PDPR: variants seen among roughly 807,000 people sequenced by gnomAD.
The protein encoded by PDPR is pyruvate dehydrogenase phosphatase regulatory subunit.
PDPR carries 50 observed loss-of-function variants against 102.2 expected under a neutral mutation model. That is an observed-to-expected ratio of 0.49 (90% CI 0.39 to 0.62). PDPR has a LOEUF of 0.62. PDPR is among the 20% of genes least tolerant of loss of function. The pLI is 0.00. For missense variants in PDPR, 625 were observed against 1,098.2 expected, an observed-to-expected ratio of 0.57 and a Z score of 6.09; for synonymous variants, 259 against 406.0, an observed-to-expected ratio of 0.64 and a Z score of 4.35.
At chr16:70,135,400 C>A (rs1321353821) in intron 9 of PDPR, among the ~76,000 whole-genome samples, 1 of 152,260 alleles carries the variant, frequency 6.6e-6, no homozygotes, top group African/African-American at 2.4e-5. Flanking sequence ...TCACGACTGG[C>A]TAATTTTTGT....
At chr16:70,140,483 T>C (rs1025476634) in intron 11 of PDPR, among the ~76,000 whole-genome samples, 14 of 152,228 alleles carry the variant, frequency 9.2e-5, no homozygotes, top group Non-Finnish European at 1.9e-4. Flanking sequence ...ATGACACTTT[T>C]GGTAGCCAAT....
intron 6 of PDPR, among the ~76,000 whole-genome samples, 153 bp downstream of exon 6, chr16:70,129,275 T>C (rs1263113504): frequency 6.6e-6 from 1 of 152,290 alleles, no homozygotes; most frequent in African/African-American, 2.4e-5. Context: ...ATAATTTTAT[T>C]TATCTGTTAA....
At chr16:70,134,128 C>A (rs1166266560) in intron 9 of PDPR, among the ~76,000 whole-genome samples, 2 of 152,220 alleles carry the variant, frequency 1.3e-5, no homozygotes, top group Non-Finnish European at 2.9e-5. Flanking sequence ...TTGAAGAGTT[C>A]TTTAGAAAAC....
rs1466201009 is a variant in PDPR at position 70,139,154 on chromosome 16, G to A, written c.1315+131G>A. On this transcript the variant is annotated intron_variant, in intron 11 of 18. Transcript: ENST00000288050. ...TTTGAGTTGGGCATTTGATTTGACT[G>A]TTTCAGGCCTGAGTTAAGGGGCTTT... The A allele has an allele frequency of 2.7e-6, 4 of 1,464,098 alleles. No homozygotes were observed. In the African/African-American group the frequency reaches 4.3e-5, roughly 16 times the overall value. 90.7% of individuals were successfully genotyped at this position (1,464,098 alleles called of 1,614,324 possible).
At chr16:70,154,231 G>T (rs7191380) in intron 18 of PDPR, among the ~76,000 whole-genome samples, 8,049 of 150,700 alleles carry the variant, frequency 0.053, 211 homozygotes, top group African/African-American at 0.19. Flanking sequence ...GGGAGGCTGA[G>T]GCAGGAGAAT....
chr16:70,143,423 TC>T, intron 13 of PDPR, 86 bp from the exon 14 acceptor site: 1 of 1,500,940 alleles, frequency 6.7e-7, no homozygotes, highest in Non-Finnish European at 9.1e-7. Flanking sequence ...TTGAATTTTC[TC>T]AATGAGGTTC....
At chr16:70,113,717 C>T (rs1962355624), upstream of PDPR, 1 of 140,160 alleles carries the variant, frequency 7.1e-6, no homozygotes, top group South Asian at 2.2e-4. Context: ...GATTCCTCTT[C>T]CTCTGAGCTG....
At chr16:70,148,597 C>G in intron 17 of PDPR, 44 bp downstream of exon 17, 2 of 1,345,118 alleles carry the variant, frequency 1.5e-6, no homozygotes, top group Middle Eastern at 3.6e-4. Context: ...CTTCCCTTCC[C>G]TTCCCTTCCC....
intron 15 of PDPR, among the ~76,000 whole-genome samples, chr16:70,145,519 C>T (rs1454625723): frequency 6.6e-6 from 1 of 152,258 alleles, no homozygotes; most frequent in Admixed American, 6.5e-5. Flanking sequence ...CTCCCACCTT[C>T]CCACCTAACT....
At chr16:70,124,662 G>A (rs1208886684) in intron 3 of PDPR, among the ~76,000 whole-genome samples, 1 of 152,246 alleles carries the variant, frequency 6.6e-6, no homozygotes, top group African/African-American at 2.4e-5. Flanking sequence ...TGCTCAAGGA[G>A]TGCTATCCCA....
At chr16:70,153,872 C>A (rs979318558) in intron 18 of PDPR, among the ~76,000 whole-genome samples, 1 of 152,210 alleles carries the variant, frequency 6.6e-6, no homozygotes, top group African/African-American at 2.4e-5. Context: ...TGGCAAAACC[C>A]GTCTCTACTA....
At chr16:70,152,289 T>G (rs1229665446) in intron 17 of PDPR, among the ~76,000 whole-genome samples, 1 of 152,268 alleles carries the variant, frequency 6.6e-6, no homozygotes, top group African/African-American at 2.4e-5. Flanking sequence ...GAGGCCAAGG[T>G]GAGTGAATCA....
At chr16:70,143,755 A>C in intron 14 of PDPR, 97 bp downstream of exon 14, 1 of 1,426,786 alleles carries the variant, frequency 7.0e-7, no homozygotes, top group Admixed American at 2.2e-5. Flanking sequence ...GGGAACCATA[A>C]ATCCCAGAGT....
intron 3 of PDPR, 33 bp downstream of exon 3, chr16:70,120,752 T>G: frequency 1.5e-6 from 2 of 1,362,702 alleles, no homozygotes; most frequent in South Asian, 1.2e-5. Context: ...CTCATGGCTG[T>G]GCTGCACTAA....
At chr16:70,142,757 C>T (rs1965859265) in intron 13 of PDPR, 71 bp downstream of exon 13, 2 of 1,597,584 alleles carry the variant, frequency 1.3e-6, no homozygotes, top group Admixed American at 3.4e-5. Context: ...TTTTGTTTTT[C>T]ATCTTCAAAA....
intron 14 of PDPR, among the ~76,000 whole-genome samples, chr16:70,144,073 G>A (rs1368296085): frequency 6.6e-6 from 1 of 152,104 alleles, no homozygotes; most frequent in Non-Finnish European, 1.5e-5. Flanking sequence ...TGTATATTTT[G>A]TAGAGATAGG....
chr16:70,156,103 G>A (rs966755631), intron 18 of PDPR, among the ~76,000 whole-genome samples: 39 of 152,364 alleles, frequency 2.6e-4, no homozygotes, highest in Middle Eastern at 3.4e-3. Flanking sequence ...CTCTGTTCAA[G>A]GCGTGAGCCA....
chr16:70,137,645 G>A (rs1445527011), intron 10 of PDPR, among the ~76,000 whole-genome samples: 4 of 152,258 alleles, frequency 2.6e-5, no homozygotes, highest in Non-Finnish European at 5.9e-5. Flanking sequence ...CTTACAAATG[G>A]GTAAGATGGT....
rs770406116 is a variant in PDPR at position 70,153,456 on chromosome 16, G to A, written c.2118G>A (p.Gly706=). The stretch of plus-strand genomic sequence containing the variant: ...AGAAATACGGAATCCGGAATGCTGG[G>A]TATTACGCTCTTCGCAGTCTCCGAA... The part of the protein sequence containing the change: ...VGQKYGIRNA[G]YYALRSLRIE... Residue 706 remains glycine, a synonymous_variant, in exon 18 of 19, where the codon GGG becomes GGA. Transcript: ENST00000288050. The A allele has an allele frequency of 1.2e-5, 19 of 1,613,808 alleles. No individual in the cohort carries two copies. The highest frequency in any genetic ancestry group is 2.2e-5 in the East Asian group (1 of 44,896).
Sources: gnomAD v4.1 joint callset for allele counts (sites outside exome capture counted in the v4.1 genomes callset) on GRCh38, gnomAD v4.1.1 for gene constraint, MANE v1.5 for transcripts, NCBI Gene and HGNC (gene_info 2026-07-23, HGNC 2026-07-21) for gene names.